Variants in FLNB observed in about 807,000 individuals in gnomAD.
FLNB encodes the protein filamin B, also known as filamin-B.
A neutral mutation model predicts 250.6 loss-of-function variants in FLNB; 111 were observed. The observed-to-expected ratio is 0.44, with a 90% CI of 0.38 to 0.52. The LOEUF (loss-of-function observed/expected upper bound fraction) is 0.52, where lower values mean the gene tolerates loss of function less well. FLNB is among the 20% of genes least tolerant of loss of function. FLNB has a pLI of 0.00. For missense variants in FLNB, 2,869 were observed against 3,447.8 expected, an observed-to-expected ratio of 0.83 and a Z score of 4.20; for synonymous variants, 1,302 against 1,372.1, an observed-to-expected ratio of 0.95 and a Z score of 1.13.
At chr3:58,038,494 G>A (rs1344240996) in intron 1 of FLNB, among the ~76,000 whole-genome samples, 1 of 150,900 alleles carries the variant, frequency 6.6e-6, no homozygotes, top group Non-Finnish European at 1.5e-5. Flanking sequence ...GCTGGAGTAC[G>A]ACCACTATAA....
chr3:58,127,210 C>A (rs992269909), intron 24 of FLNB, among the ~76,000 whole-genome samples: 9 of 151,738 alleles, frequency 5.9e-5, no homozygotes, highest in African/African-American at 2.2e-4. Context: ...GTAATCCTAG[C>A]TATGTGGGGT....
Position 58,153,479 on chromosome 3 carries a change from G to C in FLNB, c.6472G>C (p.Val2158Leu). 4 of 1,614,248 alleles carry C rather than the reference G, an allele frequency of 2.5e-6. No individual in the cohort carries two copies. The highest frequency in any genetic ancestry group is 1.3e-5 in the African/African-American group (1 of 75,086). The part of the protein sequence containing the change: ...MGKNSHCVRF[V>L]PQEMGVHTVS... ...GAAGAACTCACACTGCGTCCGGTTTGTGCCCCAGGAGATGGGCGTGCACAC... is the reference window on the plus strand; with the variant it reads ...GAAGAACTCACACTGCGTCCGGTTTCTGCCCCAGGAGATGGGCGTGCACAC... The change falls in exon 39 of 46, where the codon GTG becomes CTG. Residue 2158 changes from valine (V) to leucine (L), a missense_variant. Physicochemically the swap from Val to Leu is conservative, Grantham distance 32. Around this residue, in one of 5 missense-constraint regions of FLNB, gnomAD observed 1,084 missense variants for 1,315.5 expected, o/e 0.82. Transcript: ENST00000295956.
chr3:58,074,800 T>C (rs1306595467), intron 1 of FLNB, among the ~76,000 whole-genome samples: 2 of 152,188 alleles, frequency 1.3e-5, no homozygotes, highest in African/African-American at 4.8e-5. Flanking sequence ...TTTATACAAT[T>C]CATTATAGAG....
Position 58,142,589 on chromosome 3 carries a change from TAGCTTCACC to T in FLNB, c.5182-56_5182-48del. The T allele has an allele frequency of 7.0e-7, 1 of 1,421,548 alleles. No homozygotes were observed. Among genetic ancestry groups the T allele is most frequent in the Non-Finnish European group, 9.9e-7 (1 of 1,008,476 alleles). The allele number at this position is 1,421,548 out of a possible 1,614,324, so 88.1% of individuals were successfully genotyped here. The stretch of plus-strand genomic sequence containing the variant: ...GAATTCCCAGCAGCTCTAACCCCTG[TAGCTTCACC>T]AGCTCCCGCTGTTGTCTGCTTTACC... On this transcript the variant is annotated intron_variant, in intron 30 of 45. Transcript: ENST00000295956. The surrounding 1 kb of genome is among the most constrained non-coding windows in gnomAD (Gnocchi z 4.3).
At chr3:58,167,313 G>C (rs1353545502) in intron 43 of FLNB, among the ~76,000 whole-genome samples, 4 of 152,182 alleles carry the variant, frequency 2.6e-5, no homozygotes, top group African/African-American at 9.7e-5. Context: ...GATAGTGTTG[G>C]GGGTGGACCT....
intron 1 of FLNB, among the ~76,000 whole-genome samples, chr3:58,039,072 G>A (rs1335195616): frequency 6.7e-6 from 1 of 148,330 alleles, no homozygotes; most frequent in East Asian, 2.0e-4. Context: ...CTGTCACCCC[G>A]GCTGGAATGC....
chr3:58,106,672 C>T lies in FLNB; in HGVS notation c.1748-8C>T. The T allele has an allele frequency of 6.2e-7, 1 of 1,613,746 alleles. No individual in the cohort carries two copies. On this transcript the variant is annotated splice_region_variant and splice_polypyrimidine_tract_variant and intron_variant, in intron 11 of 45. Coordinates refer to ENST00000295956, the MANE Select transcript of FLNB (RefSeq NM_001457.4). The stretch of plus-strand genomic sequence containing the variant: ...AACCAGGGAGACCCTTCCACCTCCA[C>T]CCCCTAGGGTTTGCCATTGAAGGCC...
intron 1 of FLNB, among the ~76,000 whole-genome samples, chr3:58,045,860 C>T (rs1054075708): frequency 4.6e-5 from 7 of 151,912 alleles, no homozygotes; most frequent in East Asian, 1.9e-4. Context: ...ATTAGCCGGG[C>T]GTGGTAGTGT....
At chr3:58,145,885 G>T in intron 32 of FLNB, 36 bp from the exon 33 acceptor site, 2 of 1,613,832 alleles carry the variant, frequency 1.2e-6, no homozygotes, top group South Asian at 2.2e-5. Flanking sequence ...ACCCCTTAAT[G>T]AGCACCAATT....
At chr3:58,150,524 C>T (rs966350118) in intron 38 of FLNB, 6 of 433,826 alleles carry the variant, frequency 1.4e-5, no homozygotes, top group African/African-American at 8.0e-5. Flanking sequence ...AACTATCTGT[C>T]AAATAGAATC....
Position 58,106,891 on chromosome 3 carries a change from C to T in FLNB, c.1941+18C>T. 1 of 1,608,930 alleles carries T rather than the reference C, an allele frequency of 6.2e-7. No homozygotes were observed. The highest frequency in any genetic ancestry group is 8.5e-7 in the Non-Finnish European group (1 of 1,176,600). On this transcript the variant is annotated intron_variant, in intron 12 of 45. Transcript: ENST00000295956. ...CTGATCTGGTGAATCAGCTGCTGTG[C>T]TTCTGTCTTCTTGTCCCTGGCCCCT...
rs1312426427 is a variant in FLNB, at chr3:58,159,554, G to A, written c.6889G>A (p.Glu2297Lys). 6 of 1,614,096 alleles carry A rather than the reference G, an allele frequency of 3.7e-6. No individual in the cohort carries two copies. The South Asian group carries it at 5.5e-5, about 15-fold the overall frequency. The change falls in exon 42 of 46, where the codon GAA (glutamate) becomes AAA (lysine). Residue 2297 changes from glutamate to lysine, a missense_variant and splice_region_variant. By Grantham distance (56) the Glu-to-Lys change is moderately conservative. Around this residue, in one of 5 missense-constraint regions of FLNB, gnomAD observed 1,084 missense variants for 1,315.5 expected, o/e 0.82. Transcript: ENST00000295956. ...CCTGTCTGATGTATTAAATTCTCAG[G>A]AATCGGGATTAAAAGTTAACCAGCC... ...ARRLTVMSLQ[E>K]SGLKVNQPAS...
intron 4 of FLNB, among the ~76,000 whole-genome samples, chr3:58,082,774 C>CA (rs11325453): frequency 7.2e-4 from 102 of 142,120 alleles, no homozygotes; most frequent in Non-Finnish European, 8.6e-4. Flanking sequence ...GCCTCCGTCT[C>CA]AAAAAAAAAA....
At chr3:58,084,734 C>G (rs1035588118) in intron 4 of FLNB, among the ~76,000 whole-genome samples, 1 of 152,124 alleles carries the variant, frequency 6.6e-6, no homozygotes, top group African/African-American at 2.4e-5. Flanking sequence ...CAAACTGAAA[C>G]TCCATACTCA....
At position 58,164,891 on chromosome 3, in the gene FLNB, C is replaced by T. The variant is rs956673846; in HGVS notation, c.7198+1561C>T. The T allele has an allele frequency of 5.2e-5, 8 of 152,530 alleles. No individual in the cohort carries two copies. The highest frequency in any genetic ancestry group is 1.9e-4 in the African/African-American group (8 of 41,464). 9.4% of individuals were successfully genotyped at this position (152,530 alleles called of 1,614,324 possible). A position where few individuals can be genotyped will look rare whatever the true frequency, so the allele number is the denominator to read the frequency against. On this transcript the variant is annotated intron_variant, in intron 43 of 45. Transcript: ENST00000295956. The surrounding 1 kb of genome is among the most constrained non-coding windows in gnomAD (Gnocchi z 4.0). ...GGCAGAACCAGGAATCAGTCTACAT[C>T]CGTGACCTCAGAGCCTATGCGCTGA... is the stretch of plus-strand genomic sequence containing the variant.
intron 1 of FLNB, among the ~76,000 whole-genome samples, chr3:58,073,763 C>A (rs2097197971): frequency 6.6e-6 from 1 of 152,156 alleles, no homozygotes; most frequent in Non-Finnish European, 1.5e-5. Context: ...AAGGAAAAAT[C>A]CACTTCATTC....
chr3:58,041,154 T>C (rs1361174461), intron 1 of FLNB, among the ~76,000 whole-genome samples: 1 of 152,174 alleles, frequency 6.6e-6, no homozygotes, highest in African/African-American at 2.4e-5. Flanking sequence ...GCAGCAGATC[T>C]GGGGAACTCC....
rs764513727 is a variant in FLNB at position 58,125,660 on chromosome 3, C to T, written c.3978C>T (p.Cys1326=). ...TCAAGGTGGCTGTCACTGAAGGCTG[C>T]CAGCCATCTAGGGTGCAAGCCCAAG... is the stretch of plus-strand genomic sequence containing the variant. ...SPFKVAVTEG[C]QPSRVQAQGP... The change falls in exon 23 of 46, where the codon TGC becomes TGT. Residue 1326 remains cysteine, a synonymous_variant. Coordinates refer to ENST00000295956, the MANE Select transcript of FLNB (RefSeq NM_001457.4). 2 of 1,613,744 alleles carry T rather than the reference C, an allele frequency of 1.2e-6. No homozygotes were observed. The highest frequency in any genetic ancestry group is 1.7e-6 in the Non-Finnish European group (2 of 1,179,760).
intron 1 of FLNB, among the ~76,000 whole-genome samples, chr3:58,062,389 A>G (rs576261868): frequency 6.6e-6 from 1 of 152,204 alleles, no homozygotes. Context: ...CTCTTGCTTG[A>G]ATGTAAAGTT....
Sources: gnomAD v4.1 joint callset for allele counts (sites outside exome capture counted in the v4.1 genomes callset) on GRCh38, gnomAD v4.1.1 for gene constraint, gnomAD v4.1.1 regional missense constraint, Gnocchi (gnomAD v3.1) non-coding constraint, MANE v1.5 for transcripts, NCBI Gene and HGNC (gene_info 2026-07-23, HGNC 2026-07-21) for gene names.